ABCD2: variants seen among roughly 807,000 people sequenced by gnomAD.
The protein encoded by ABCD2 is ATP-binding cassette sub-family D member 2.
In ABCD2, 36 loss-of-function variants were observed where a neutral mutation model predicts 70.9. That is an observed-to-expected ratio of 0.51 (90% CI 0.39 to 0.67). ABCD2 has a LOEUF of 0.67. Ranked by LOEUF, ABCD2 falls within the 30% of genes least tolerant of loss-of-function variation. ABCD2 has a pLI of 0.00. For missense variants in ABCD2, 729 were observed against 890.2 expected (o/e 0.82, Z 2.30); for synonymous variants, 304 against 306.9 (o/e 0.99, Z 0.10).
At chr12:39,549,621 T>C (rs561117057), downstream of ABCD2, among the ~76,000 whole-genome samples, 11 of 152,028 alleles carry the variant, frequency 7.2e-5, no homozygotes, top group African/African-American at 2.2e-4. Context: ...GTAACATAAG[T>C]TCCCTTTTTA....
intron 2 of ABCD2, among the ~76,000 whole-genome samples, chr12:39,614,814 C>T (rs1942093958): frequency 6.6e-6 from 1 of 152,060 alleles, no homozygotes; most frequent in South Asian, 2.1e-4. Context: ...GCAAACATTA[C>T]AGGCACAGAT....
At chr12:39,610,065 G>T (rs1007469072) in intron 2 of ABCD2, among the ~76,000 whole-genome samples, 2 of 152,156 alleles carry the variant, frequency 1.3e-5, no homozygotes, top group Non-Finnish European at 2.9e-5. Flanking sequence ...TGGAGGAGTA[G>T]ATTTTGAGAG....
chr12:39,556,857 G>A (rs1941174284), intron 9 of ABCD2, among the ~76,000 whole-genome samples: 1 of 151,946 alleles, frequency 6.6e-6, no homozygotes, highest in Non-Finnish European at 1.5e-5. Flanking sequence ...GAAGGCGGGT[G>A]CCTGTAATCC....
chr12:39,616,902 A>G (rs1942122791), intron 2 of ABCD2, 86 bp downstream of exon 2: 3 of 1,225,372 alleles, frequency 2.4e-6, no homozygotes, highest in African/African-American at 1.5e-5. Flanking sequence ...CCATGTACAC[A>G]GTTTAGCTCA....
chr12:39,573,706 A>G lies in ABCD2; in HGVS notation c.2003+10T>C. The G allele has an allele frequency of 6.3e-7, 1 of 1,598,012 alleles. No individual in the cohort carries two copies. The highest frequency in any genetic ancestry group is 8.5e-7 in the Non-Finnish European group (1 of 1,174,032). ...ACCATCTACCACAAATTAGCACTAG[A>G]AACACTTACCAAAGAGAAGGTCTGT... On this transcript the variant is annotated intron_variant, in intron 9 of 9. Transcript: ENST00000308666.
intron 9 of ABCD2, among the ~76,000 whole-genome samples, chr12:39,558,121 G>A (rs1941197565): frequency 6.6e-6 from 1 of 152,232 alleles, no homozygotes; most frequent in African/African-American, 2.4e-5. Context: ...CCAAGGCTAT[G>A]GGAGCCCAAC....
downstream of ABCD2, among the ~76,000 whole-genome samples, chr12:39,548,675 A>G (rs577591922): frequency 2.0e-5 from 3 of 151,476 alleles, no homozygotes; most frequent in South Asian, 6.2e-4. Flanking sequence ...TAAATTTAAT[A>G]TATTTAATAT....
At chr12:39,556,703 C>G (rs1311879998) in intron 9 of ABCD2, among the ~76,000 whole-genome samples, 2 of 152,058 alleles carry the variant, frequency 1.3e-5, no homozygotes, top group Non-Finnish European at 2.9e-5. Context: ...TAAAGATACC[C>G]AGGCCTAACA....
At chr12:39,616,948 T>C (rs1162309557) in intron 2 of ABCD2, 40 bp downstream of exon 2, 1 of 1,520,698 alleles carries the variant, frequency 6.6e-7, no homozygotes, top group Non-Finnish European at 8.9e-7. Context: ...AAAGAAATAA[T>C]GTTAAAAATA....
At chr12:39,559,629 C>G (rs975960738) in intron 9 of ABCD2, among the ~76,000 whole-genome samples, 12 of 151,130 alleles carry the variant, frequency 7.9e-5, no homozygotes, top group Non-Finnish European at 1.2e-4. Flanking sequence ...AACCTGAAAG[C>G]AAGAAAAAAA....
the ABCD2 span, among the ~76,000 whole-genome samples, chr12:39,531,545 A>G: frequency 2.0e-5 from 3 of 152,260 alleles, no homozygotes; most frequent in Non-Finnish European, 4.4e-5. Context: ...ATTTTTAAAC[A>G]GTACAAAGTT....
downstream of ABCD2, among the ~76,000 whole-genome samples, chr12:39,545,974 A>G (rs182933902): frequency 1.3e-5 from 2 of 152,268 alleles, no homozygotes; most frequent in East Asian, 3.9e-4. Context: ...TCTACTTTCT[A>G]TTGAATCAAG....
At chr12:39,575,337 C>T (rs1384908907) in intron 8 of ABCD2, among the ~76,000 whole-genome samples, 1 of 152,164 alleles carries the variant, frequency 6.6e-6, no homozygotes, top group Non-Finnish European at 1.5e-5. Flanking sequence ...GTTTTAGTTT[C>T]CTTGGCAGGG....
chr12:39,590,552 A>C, intron 6 of ABCD2, among the ~76,000 whole-genome samples: 1 of 152,120 alleles, frequency 6.6e-6, no homozygotes, highest in Middle Eastern at 3.4e-3. Flanking sequence ...AATAATTATA[A>C]TAATTGTTTT....
intron 6 of ABCD2, among the ~76,000 whole-genome samples, chr12:39,592,489 A>G (rs1234817446): frequency 6.6e-6 from 1 of 152,224 alleles, no homozygotes; most frequent in Non-Finnish European, 1.5e-5. Context: ...AGTGCTGTAC[A>G]GAGACATGTG....
At chr12:39,537,880 T>C in the ABCD2 span, among the ~76,000 whole-genome samples, 1 of 152,140 alleles carries the variant, frequency 6.6e-6, no homozygotes. Context: ...ATAAAAAAAT[T>C]CCTGGTTGCT....
At chr12:39,610,872 C>G (rs1481795086) in intron 2 of ABCD2, among the ~76,000 whole-genome samples, 1 of 152,162 alleles carries the variant, frequency 6.6e-6, no homozygotes, top group Non-Finnish European at 1.5e-5. Flanking sequence ...ACACAACAGC[C>G]AACTGCCTGA....
intron 6 of ABCD2, among the ~76,000 whole-genome samples, chr12:39,591,432 C>T (rs1941744715): frequency 6.6e-6 from 1 of 152,042 alleles, no homozygotes; most frequent in Admixed American, 6.6e-5. Flanking sequence ...TAATATTAGG[C>T]CAGGTGCAGT....
rs1175140260 is a variant in ABCD2 at position 39,586,166 on chromosome 12, A to G, written c.1778T>C (p.Val593Ala). 2.5e-6 allele frequency: 4 copies of G among 1,610,126 alleles called. No individual in the cohort carries two copies. Among genetic ancestry groups the G allele is most frequent in the Non-Finnish European group, 3.4e-6 (4 of 1,178,396 alleles). Residue 593 changes from valine (V) to alanine (A), a missense_variant, in exon 7 of 10, where the codon GTT becomes GCT. Physicochemically the swap from Val to Ala is moderately conservative, Grantham distance 64 (BLOSUM62 0). Transcript: ENST00000308666. ...ILHNVHLYHI[V>A]QREGGWDAVM... ...ATAGACTTTACCTCCTTCTCTTTGA[A>G]CTATGTGATAGAGATGGACATTGTG... is the stretch of plus-strand genomic sequence containing the variant.
Sources: allele counts gnomAD v4.1 joint callset (sites outside exome capture counted in the v4.1 genomes callset), GRCh38; gene constraint gnomAD v4.1.1; transcripts MANE v1.5; gene names NCBI Gene and HGNC (gene_info 2026-07-23, HGNC 2026-07-21).